SPATC1: variants seen among roughly 807,000 people sequenced by gnomAD.
The protein encoded by SPATC1 is spermatogenesis and centriole associated 1.
In SPATC1, 35 loss-of-function variants were observed where a neutral mutation model predicts 36.5. The observed-to-expected ratio is 0.96, with a 90% CI of 0.73 to 1.27. The LOEUF (loss-of-function observed/expected upper bound fraction) is 1.27, where lower values mean the gene tolerates loss of function less well. Among genes scored for constraint, SPATC1 ranks in the 50% most tolerant of loss-of-function variants. SPATC1 has a pLI of 0.00. For synonymous variants in SPATC1, 361 were observed against 353.6 expected, an observed-to-expected ratio of 1.02 and a Z score of -0.24; for missense variants, 779 against 796.0, an observed-to-expected ratio of 0.98 and a Z score of 0.26.
upstream of SPATC1, among the ~76,000 whole-genome samples, chr8:144,012,190 C>T (rs886965439): frequency 7.2e-5 from 11 of 152,182 alleles, no homozygotes; most frequent in Non-Finnish European, 1.3e-4. Flanking sequence ...GGAAACCCAG[C>T]GGGCAGCAAT....
rs1012276685 is a variant in SPATC1, at chr8:144,026,322, G to A, written c.212-13587G>A. Among the ~76,000 whole-genome samples the A allele has an allele frequency of 3.1e-3, 466 of 152,230 alleles. 2 individuals are homozygous for A. Among genetic ancestry groups the A allele is most frequent in the Non-Finnish European group, 5.3e-3 (362 of 68,016 alleles). On this transcript the variant is annotated intron_variant, in intron 1 of 4. Transcript: ENST00000377470. Reference sequence around the variant, plus strand: ...ATGGCTGAATACTATTCCAGTGTATGGCTATATTACATTTTGTTTATTCAT... The same window carrying A: ...ATGGCTGAATACTATTCCAGTGTATAGCTATATTACATTTTGTTTATTCAT...
At chr8:144,033,829 C>T (rs1834845940) in intron 1 of SPATC1, among the ~76,000 whole-genome samples, 1 of 152,144 alleles carries the variant, frequency 6.6e-6, no homozygotes, top group Admixed American at 6.5e-5. Context: ...TGTTGGGAAT[C>T]ACCACCAGCA....
intron 1 of SPATC1, 49 bp downstream of exon 1, chr8:144,012,775 C>A (rs1554752657): frequency 6.5e-7 from 1 of 1,538,162 alleles, no homozygotes; most frequent in Non-Finnish European, 8.8e-7. Flanking sequence ...GGGGACTGCA[C>A]CAGAGAGGAG....
chr8:144,031,456 T>TC (rs1157064825), intron 1 of SPATC1, among the ~76,000 whole-genome samples: 1 of 146,744 alleles, frequency 6.8e-6, no homozygotes, highest in Non-Finnish European at 1.5e-5. Context: ...TTTTCTTTTT[T>TC]TTTTTTTTTT....
intron 1 of SPATC1, among the ~76,000 whole-genome samples, chr8:144,021,258 T>C (rs1378886887): frequency 1.2e-3 from 20 of 16,012 alleles, no homozygotes; most frequent in East Asian, 2.9e-3. Context: ...AGGACTCTCT[T>C]CCTTCAGGAC....
intron 4 of SPATC1, among the ~76,000 whole-genome samples, chr8:144,043,815 T>C (rs1835182102): frequency 6.6e-6 from 1 of 152,042 alleles, no homozygotes; most frequent in Non-Finnish European, 1.5e-5. Flanking sequence ...CTGTGACACC[T>C]GCTGCCACTC....
chr8:144,040,709 C>T lies in SPATC1; in HGVS notation c.908C>T (p.Thr303Ile), dbSNP rs868953493. The change falls in exon 3 of 5, where the codon ACT (threonine) becomes ATT (isoleucine). Residue 303 changes from threonine (T) to isoleucine (I), a missense_variant. Coordinates refer to ENST00000377470, the MANE Select transcript of SPATC1 (RefSeq NM_198572.3). ...CCCAAGACGGCCTTCTCCTTCAACA[C>T]TTCGGACACACAGGCCCAGCCCAGT... ...PAPKTAFSFN[T>I]SDTQAQPSAA... 6.2e-7 allele frequency: 1 copy of T among 1,613,766 alleles called. No homozygotes were observed.
At chr8:144,024,411 T>C (rs1834630882) in intron 1 of SPATC1, among the ~76,000 whole-genome samples, 1 of 117,628 alleles carries the variant, frequency 8.5e-6, no homozygotes, top group Admixed American at 8.3e-5. Flanking sequence ...AGGACCCCCT[T>C]CCTTCAGGAC....
chr8:144,026,966 C>T (rs1219505554), intron 1 of SPATC1, among the ~76,000 whole-genome samples: 79 of 148,782 alleles, frequency 5.3e-4, no homozygotes, highest in Admixed American at 9.3e-4. Flanking sequence ...CCCACCACCA[C>T]GCCCTGCTAA....
chr8:144,044,441 A>G (rs2129681902), intron 4 of SPATC1, among the ~76,000 whole-genome samples: 1 of 151,008 alleles, frequency 6.6e-6, no homozygotes, highest in South Asian at 2.1e-4. Flanking sequence ...AGCTGGGACT[A>G]CAGGCGCCCG....
rs1312635736 is a variant in SPATC1 at position 144,040,460 on chromosome 8, A to C, written c.763A>C (p.Lys255Gln). Residue 255 changes from lysine (K) to glutamine (Q), a missense_variant, in exon 2 of 5, where the codon AAA (lysine) becomes CAA (glutamine). By Grantham distance (53) the Lys-to-Gln change is moderately conservative (BLOSUM62 1). Coordinates refer to ENST00000377470, the MANE Select transcript of SPATC1 (RefSeq NM_198572.3). ...TTGCGTGGTACCCACTGCCACCACC[A>C]AAGGTAACAGGTGTGGTGGGTGGTG... ...PACVVPTATT[K>Q]VPLSTEPPQS... is the part of the protein sequence containing the mutation. 2 of 1,595,684 alleles carry C rather than the reference A, an allele frequency of 1.3e-6. No homozygotes were observed. Among genetic ancestry groups the C allele is most frequent in the African/African-American group, 2.7e-5 (2 of 74,544 alleles).
chr8:144,037,936 T>C (rs550029025), intron 1 of SPATC1, among the ~76,000 whole-genome samples: 5 of 151,678 alleles, frequency 3.3e-5, no homozygotes, highest in Admixed American at 6.6e-5. Flanking sequence ...AAGACCATCC[T>C]GGCTAACACG....
chr8:144,012,306 G>A lies in SPATC1; in HGVS notation c.-210G>A, dbSNP rs1834293790. ...CATTCCAGGCCGAGGCAAGGCCTGT[G>A]TACAGGCCTGGTGGCATGGAGAGCT... On this transcript the variant is annotated 5_prime_UTR_variant, in exon 1 of 5. Transcript: ENST00000377470. 1 of 589,436 alleles carries A rather than the reference G, an allele frequency of 1.7e-6. No individual in the cohort carries two copies. The allele number at this position is 589,436 out of a possible 1,614,324, so 36.5% of individuals were successfully genotyped here.
intron 4 of SPATC1, among the ~76,000 whole-genome samples, chr8:144,042,284 AATATATATATATAT>A (rs1554756220): frequency 2.8e-5 from 1 of 36,302 alleles, no homozygotes; most frequent in African/African-American, 1.6e-4. Flanking sequence ...ACGCCCAGCT[AATATATATATATAT>A]ATATATATAT....
upstream of SPATC1, among the ~76,000 whole-genome samples, chr8:144,012,225 T>A (rs1176710438): frequency 7.2e-5 from 11 of 151,966 alleles, no homozygotes; most frequent in Non-Finnish European, 1.5e-4. Context: ...GGAGAGGAAG[T>A]TTCACGGAAG....
rs1209318279 is a variant in SPATC1, at chr8:144,012,454, C to G, written c.-62C>G. The G allele has an allele frequency of 6.8e-7, 1 of 1,466,018 alleles. No individual in the cohort carries two copies. The highest frequency in any genetic ancestry group is 9.3e-7 in the Non-Finnish European group (1 of 1,070,786). 90.8% of individuals were successfully genotyped at this position (1,466,018 alleles called of 1,614,324 possible). ...CTTCAGCCCAGGCAAGGCCTGGGGC[C>G]CTGGGCAGCCTCCAGGTGCAGTGCC... On this transcript the variant is annotated 5_prime_UTR_variant, in exon 1 of 5. Coordinates refer to ENST00000377470, the MANE Select transcript of SPATC1 (RefSeq NM_198572.3).
At chr8:144,021,268 C>A (rs1157709940) in intron 1 of SPATC1, among the ~76,000 whole-genome samples, 2,192 of 35,284 alleles carry the variant, frequency 0.062, no homozygotes, top group Non-Finnish European at 0.07. Flanking sequence ...TCCTTCAGGA[C>A]CCCCTTCCCT....
intron 1 of SPATC1, among the ~76,000 whole-genome samples, chr8:144,024,398 C>T (rs1434834853): frequency 1.1e-4 from 16 of 139,610 alleles, no homozygotes; most frequent in Middle Eastern, 3.8e-3. Flanking sequence ...ACCCCCTTCC[C>T]TCAGGACCCC....
At chr8:144,023,632 TTCC>T in intron 1 of SPATC1, among the ~76,000 whole-genome samples, 1 of 104,074 alleles carries the variant, frequency 9.6e-6, no homozygotes, top group Non-Finnish European at 2.0e-5. Flanking sequence ...CAGGACCCTC[TTCC>T]CTGAGGAACT....
Sources: allele counts gnomAD v4.1 joint callset (sites outside exome capture counted in the v4.1 genomes callset), GRCh38; gene constraint gnomAD v4.1.1; transcripts MANE v1.5; gene names NCBI Gene and HGNC (gene_info 2026-07-23, HGNC 2026-07-21).